The following FECH variants were observed in gnomAD, a reference collection of about 807,000 sequenced individuals.
FECH encodes ferrochelatase.
FECH carries 40 observed loss-of-function variants against 56.9 expected under a neutral mutation model. The ratio of observed to expected loss-of-function variants is 0.70; its 90% CI spans 0.55 to 0.92. The LOEUF is 0.92. Among genes scored for constraint, FECH ranks in the 40% least tolerant of loss-of-function variants. The probability of loss-of-function intolerance (pLI) is 0.00; values close to 1 mark genes in which losing one functional copy is unlikely to be tolerated. For missense variants in FECH, 431 were observed against 529.1 expected (o/e 0.81, Z 1.82); for synonymous variants, 175 against 198.6 (o/e 0.88, Z 1.00).
chr18:57,551,336 A>AT lies in FECH; in HGVS notation c.1115dup (p.Asn372LysfsTer8). On this transcript the variant is annotated frameshift_variant, in exon 10 of 11. Coordinates refer to ENST00000262093, the MANE Select transcript of FECH (RefSeq NM_000140.5). LOFTEE classifies it high-confidence loss of function. Reference sequence around the variant, plus strand: ...ATACCTTAGAGAACAATGGATTTCCATTAAGAGACTCAGCTCTTCTGATGT... The same window carrying AT: ...ATACCTTAGAGAACAATGGATTTCCATTTAAGAGACTCAGCTCTTCTGATGT... 1 of 1,613,122 alleles carries AT rather than the reference A, an allele frequency of 6.2e-7. No homozygotes were observed. Among genetic ancestry groups the AT allele is most frequent in the Non-Finnish European group, 8.5e-7 (1 of 1,179,138 alleles).
At chr18:57,566,259 A>G (rs2051014751) in intron 5 of FECH, among the ~76,000 whole-genome samples, 188 bp downstream of exon 5, 1 of 152,216 alleles carries the variant, frequency 6.6e-6, no homozygotes, top group South Asian at 2.1e-4. Context: ...CCAAGTGGCC[A>G]ATAATTCAAG....
At chr18:57,560,728 CTGCAT>C (rs2050933594) in intron 6 of FECH, among the ~76,000 whole-genome samples, 1 of 152,138 alleles carries the variant, frequency 6.6e-6, no homozygotes, top group African/African-American at 2.4e-5. Flanking sequence ...TGTAACTTTT[CTGCAT>C]ATCTAAAATT....
At chr18:57,569,072 C>T (rs903734626) in intron 4 of FECH, among the ~76,000 whole-genome samples, 2 of 152,204 alleles carry the variant, frequency 1.3e-5, no homozygotes, top group Non-Finnish European at 2.9e-5. Context: ...CGCCTATCCA[C>T]GCTGCATCCG....
intron 1 of FECH, among the ~76,000 whole-genome samples, chr18:57,580,498 T>C (rs1326811122): frequency 1.3e-5 from 2 of 152,052 alleles, no homozygotes; most frequent in Admixed American, 1.3e-4. Flanking sequence ...CAAGAACCCC[T>C]GCACGAGACC....
intron 4 of FECH, among the ~76,000 whole-genome samples, chr18:57,569,138 G>C (rs1162260842): frequency 1.3e-5 from 2 of 152,236 alleles, no homozygotes; most frequent in Non-Finnish European, 2.9e-5. Flanking sequence ...ACTAAAAGCA[G>C]TTACAAGCTA....
intron 1 of FECH, chr18:57,585,935 G>C (rs1245049500): frequency 2.6e-5 from 4 of 152,312 alleles, no homozygotes; most frequent in Middle Eastern, 3.2e-3. Flanking sequence ...CCAGGTGTGT[G>C]AGATCCACAG....
chr18:57,584,380 A>T (rs972338333), intron 1 of FECH, among the ~76,000 whole-genome samples: 8 of 151,896 alleles, frequency 5.3e-5, no homozygotes, highest in African/African-American at 1.9e-4. Context: ...TCCTGGACAA[A>T]TCCAATAGGT....
At chr18:57,577,828 G>A (rs1454189991) in intron 2 of FECH, among the ~76,000 whole-genome samples, 1 of 152,092 alleles carries the variant, frequency 6.6e-6, no homozygotes, top group Non-Finnish European at 1.5e-5. Flanking sequence ...GTTGAGGCAG[G>A]AGGACTGCTT....
intron 9 of FECH, 92 bp from the exon 10 acceptor site, chr18:57,551,466 C>G: frequency 1.1e-6 from 1 of 905,044 alleles, no homozygotes; most frequent in Non-Finnish European, 1.8e-6. Flanking sequence ...TAAATACACA[C>G]AGATACACAC....
Position 57,573,237 on chromosome 18 carries a change from A to G in FECH, c.314+9T>C. 1 of 1,612,684 alleles carries G rather than the reference A, an allele frequency of 6.2e-7. No individual in the cohort carries two copies. Among genetic ancestry groups the G allele is most frequent in the Non-Finnish European group, 8.5e-7 (1 of 1,178,644 alleles). On this transcript the variant is annotated intron_variant, in intron 3 of 10. Transcript: ENST00000262093. Reference sequence around the variant, plus strand: ...AAGGTTATAATTGAGGTGTTTATATATATCTCACTTCTGAATAGGAAGTGT... The same window carrying G: ...AAGGTTATAATTGAGGTGTTTATATGTATCTCACTTCTGAATAGGAAGTGT...
intron 7 of FECH, among the ~76,000 whole-genome samples, chr18:57,556,439 A>T (rs1400380001): frequency 6.6e-6 from 1 of 152,232 alleles, no homozygotes; most frequent in Non-Finnish European, 1.5e-5. Context: ...CATCACCAGT[A>T]GAAAAGCACG....
intron 7 of FECH, among the ~76,000 whole-genome samples, chr18:57,555,877 C>G (rs1331431882): frequency 6.6e-6 from 1 of 152,170 alleles, no homozygotes; most frequent in Non-Finnish European, 1.5e-5. Flanking sequence ...GCCTGTAATC[C>G]CAGCACTTTG....
chr18:57,580,011 G>A, intron 2 of FECH, 62 bp downstream of exon 2: 2 of 1,608,318 alleles, frequency 1.2e-6, no homozygotes, highest in Non-Finnish European at 1.7e-6. Flanking sequence ...GGCAGCTTGT[G>A]TCTATTGGTG....
At chr18:57,561,594 T>C (rs2050944396) in intron 6 of FECH, among the ~76,000 whole-genome samples, 1 of 152,194 alleles carries the variant, frequency 6.6e-6, no homozygotes, top group Non-Finnish European at 1.5e-5. Context: ...GCCTCTAAAA[T>C]TCCCTTTCAT....
intron 6 of FECH, among the ~76,000 whole-genome samples, chr18:57,562,074 T>C (rs2050952207): frequency 6.6e-6 from 1 of 152,180 alleles, no homozygotes; most frequent in African/African-American, 2.4e-5. Context: ...AAAGAAGTTG[T>C]TAGTAGGGTT....
chr18:57,554,188 ATTAG>A (rs2050836340), intron 9 of FECH, 68 bp downstream of exon 9: 2 of 1,481,214 alleles, frequency 1.4e-6, no homozygotes, highest in Non-Finnish European at 1.9e-6. Flanking sequence ...TGAATGATAC[ATTAG>A]TTAGTTGCAG....
intron 1 of FECH, among the ~76,000 whole-genome samples, chr18:57,583,525 C>G (rs1194976769): frequency 6.6e-6 from 1 of 152,200 alleles, no homozygotes; most frequent in Non-Finnish European, 1.5e-5. Context: ...TATGTCCAGC[C>G]CCAAGAGCAA....
At chr18:57,579,108 C>T (rs1488288021) in intron 2 of FECH, among the ~76,000 whole-genome samples, 1 of 148,910 alleles carries the variant, frequency 6.7e-6, no homozygotes, top group Non-Finnish European at 1.5e-5. Context: ...ATTAGCCAGG[C>T]GTGGTGGTAT....
Position 57,559,214 on chromosome 18 carries a change from C to G in FECH, c.735G>C (p.Leu245=). The G allele has an allele frequency of 1.2e-6, 2 of 1,613,514 alleles. No individual in the cohort carries two copies. Among genetic ancestry groups the G allele is most frequent in the Non-Finnish European group, 1.7e-6 (2 of 1,179,600 alleles). The change falls in exon 7 of 11, where the codon CTG becomes CTC. Residue 245 remains leucine, a synonymous_variant. Transcript: ENST00000262093. ...QCFADHILKE[L]DHFPLEKRSE... is the part of the protein sequence containing the mutation. ...TTCTCTTCTCAAGTGGAAAATGGTC[C>G]AGTTCCTTTAGAATATGATCTGCAA...
Sources: gnomAD v4.1 joint callset for allele counts (sites outside exome capture counted in the v4.1 genomes callset) on GRCh38, gnomAD v4.1.1 for gene constraint, MANE v1.5 for transcripts, NCBI Gene and HGNC (gene_info 2026-07-23, HGNC 2026-07-21) for gene names.